The following GRAMD1B variants were observed in gnomAD, a reference collection of about 807,000 sequenced individuals.
GRAMD1B encodes the protein GRAM domain containing 1B.
In GRAMD1B, 37 loss-of-function variants were observed where a neutral mutation model predicts 99.7. That is an observed-to-expected ratio of 0.37 (90% CI 0.29 to 0.49). The LOEUF is 0.49. Among genes scored for constraint, GRAMD1B ranks in the 20% least tolerant of loss-of-function variants. The pLI, the probability that GRAMD1B is intolerant of heterozygous loss-of-function variation, is 0.98. For synonymous variants in GRAMD1B, 427 were observed against 387.6 expected, an observed-to-expected ratio of 1.10 and a Z score of -1.19; for missense variants, 888 against 1,009.2, an observed-to-expected ratio of 0.88 and a Z score of 1.63.
chr11:123,605,255 A>G (rs1952557513), intron 9 of GRAMD1B, 67 bp from the exon 10 acceptor site: 1 of 1,160,424 alleles, frequency 8.6e-7, no homozygotes, highest in Admixed American at 2.5e-5. Flanking sequence ...AAGGTCTGAG[A>G]TTCTTAGAAT....
intron 2 of GRAMD1B, among the ~76,000 whole-genome samples, chr11:123,491,064 G>A (rs1306386128): frequency 6.6e-6 from 1 of 152,174 alleles, no homozygotes; most frequent in Non-Finnish European, 1.5e-5. Context: ...TGGGTGCAGT[G>A]GCTCACGCCT....
chr11:123,429,820 T>C (rs1948784229), upstream of GRAMD1B, among the ~76,000 whole-genome samples: 1 of 152,192 alleles, frequency 6.6e-6, no homozygotes, highest in Admixed American at 6.5e-5. This position sits in a 1 kb window ranked among gnomAD's most constrained non-coding sequence, Gnocchi z 4.0. Context: ...CTTGCTTTCC[T>C]CCTCTGACTA....
chr11:123,540,379 TGA>T (rs1469568965), intron 2 of GRAMD1B, among the ~76,000 whole-genome samples: 1 of 152,240 alleles, frequency 6.6e-6, no homozygotes, highest in Non-Finnish European at 1.5e-5. Context: ...AGCACCCAGC[TGA>T]GTTATCCTAA....
Position 123,591,261 on chromosome 11 carries a change from CCT to C in GRAMD1B, c.685-2818_685-2817del. 2.5e-6 allele frequency: 1 copy of C among 396,746 alleles called. No individual in the cohort carries two copies. 24.6% of individuals were successfully genotyped at this position (396,746 alleles called of 1,614,324 possible). ...GGACACCTGTCAGAGTCACACAGGC[CCT>C]CTGCTGAGAAACCAGAGGCCACCCA... On this transcript the variant is annotated intron_variant, in intron 4 of 19. Coordinates refer to ENST00000635736, the MANE Select transcript of GRAMD1B (RefSeq NM_001387025.1). The surrounding 1 kb of genome is among the most constrained non-coding windows in gnomAD (Gnocchi z 4.7).
At chr11:123,405,394 G>A (rs1299737779) in intron 1 of GRAMD1B, among the ~76,000 whole-genome samples, 2 of 152,180 alleles carry the variant, frequency 1.3e-5, no homozygotes, top group African/African-American at 4.8e-5. Context: ...CCAGGGTAAG[G>A]GGAGAGTGAC....
At chr11:123,383,158 G>A (rs1946941428) in intron 1 of GRAMD1B, among the ~76,000 whole-genome samples, 1 of 152,030 alleles carries the variant, frequency 6.6e-6, no homozygotes, top group African/African-American at 2.4e-5. Context: ...ATTAACTGGG[G>A]CTGACCTGGA....
intron 2 of GRAMD1B, among the ~76,000 whole-genome samples, chr11:123,557,750 C>T (rs914393694): frequency 9.9e-5 from 15 of 152,110 alleles, no homozygotes; most frequent in Non-Finnish European, 1.9e-4. Context: ...CCCTGACATA[C>T]GGTTTTAACC....
chr11:123,620,428 A>G (rs1954961529), intron 19 of GRAMD1B, among the ~76,000 whole-genome samples: 1 of 110,650 alleles, frequency 9.0e-6, no homozygotes, highest in East Asian at 3.4e-4. Context: ...GAGCTGAGAT[A>G]GTGCCACTGC....
chr11:123,360,429 G>C (rs988551052), intron 1 of GRAMD1B, among the ~76,000 whole-genome samples: 3 of 152,208 alleles, frequency 2.0e-5, no homozygotes, highest in African/African-American at 7.2e-5. Context: ...TTGCTTAGGA[G>C]ATCTCATCCT....
intron 2 of GRAMD1B, chr11:123,491,726 G>T (rs575558244): frequency 1.9e-4 from 77 of 396,150 alleles, no homozygotes; most frequent in Non-Finnish European, 2.9e-4. Context: ...GAGAGCTTAT[G>T]TGCAGGAGCC....
At chr11:123,593,953 G>T in intron 4 of GRAMD1B, 129 bp from the exon 5 acceptor site, 1 of 680,252 alleles carries the variant, frequency 1.5e-6, no homozygotes, top group South Asian at 1.7e-5. Flanking sequence ...TGGCCTCCTA[G>T]GGTCTGTGGG....
At chr11:123,617,945 T>A (rs1383676172) in intron 17 of GRAMD1B, among the ~76,000 whole-genome samples, 1 of 152,208 alleles carries the variant, frequency 6.6e-6, no homozygotes, top group African/African-American at 2.4e-5. Context: ...AACCTCAGCC[T>A]GTCTGCATGA....
intron 2 of GRAMD1B, among the ~76,000 whole-genome samples, chr11:123,563,483 T>C (rs1947011192): frequency 6.6e-6 from 1 of 151,462 alleles, no homozygotes; most frequent in Non-Finnish European, 1.5e-5. Context: ...TGGGATTAAG[T>C]GCAATATAAC....
intron 2 of GRAMD1B, chr11:123,526,179 G>C: frequency 1.9e-6 from 3 of 1,611,948 alleles, no homozygotes; most frequent in Non-Finnish European, 2.5e-6. Context: ...CTGGTAAGTA[G>C]AGGAGGGATA....
intron 2 of GRAMD1B, among the ~76,000 whole-genome samples, chr11:123,511,449 A>G (rs1427799631): frequency 6.6e-6 from 1 of 151,860 alleles, no homozygotes; most frequent in Non-Finnish European, 1.5e-5. Flanking sequence ...TAGCTTTCAA[A>G]TCTCTCCTGG....
chr11:123,585,183 AG>A (rs1176786649), intron 4 of GRAMD1B, among the ~76,000 whole-genome samples: 1 of 152,170 alleles, frequency 6.6e-6, no homozygotes, highest in African/African-American at 2.4e-5. Context: ...CGGACACACC[AG>A]GTTCTGCTGC....
At chr11:123,475,507 T>C (rs1050267275) in intron 1 of GRAMD1B, among the ~76,000 whole-genome samples, 6 of 152,212 alleles carry the variant, frequency 3.9e-5, no homozygotes, top group Non-Finnish European at 8.8e-5. Context: ...TATCTGAAGC[T>C]TGAATGTACA....
At chr11:123,614,026 A>C (rs1231001985) in intron 16 of GRAMD1B, among the ~76,000 whole-genome samples, 1 of 152,138 alleles carries the variant, frequency 6.6e-6, no homozygotes, top group Non-Finnish European at 1.5e-5. Flanking sequence ...CACAAAGATC[A>C]GGGAGACCAA....
Position 123,606,183 on chromosome 11 carries a change from A to G in GRAMD1B, c.1324-426A>G, listed in dbSNP as rs970415334. 5.3e-5 allele frequency among the ~76,000 whole-genome samples: 8 copies of G among 152,244 alleles called. No individual in the cohort carries two copies. The South Asian group carries it at 1.7e-3, about 32-fold the overall frequency. On this transcript the variant is annotated intron_variant, in intron 10 of 19. Transcript: ENST00000635736. ...TTCCATCTCTGAGGTTATCTTTAAA[A>G]TGTAAAGAGTTGTATCGATTCCCTT...
Sources: allele counts gnomAD v4.1 joint callset (sites outside exome capture counted in the v4.1 genomes callset), GRCh38; gene constraint gnomAD v4.1.1; non-coding constraint Gnocchi (gnomAD v3.1); transcripts MANE v1.5; gene names NCBI Gene and HGNC (gene_info 2026-07-23, HGNC 2026-07-21).